The following TENM3 variants were observed in gnomAD, a reference collection of about 807,000 sequenced individuals.
The protein encoded by TENM3 is teneurin-3.
A neutral mutation model predicts 255.1 loss-of-function variants in TENM3; 63 were observed. The observed-to-expected ratio is 0.25, with a 90% confidence interval of 0.20 to 0.30. TENM3 has a LOEUF of 0.30. Among genes scored for constraint, TENM3 ranks in the 10% least tolerant of loss-of-function variants. The pLI, the probability that TENM3 is intolerant of heterozygous loss-of-function variation, is 1.00. For missense variants in TENM3, 2,929 were observed against 3,461.1 expected (o/e 0.85, Z 3.86); for synonymous variants, 1,306 against 1,322.3 (o/e 0.99, Z 0.27).
At chr4:182,564,302 C>T (rs1263818906) in intron 3 of TENM3, among the ~76,000 whole-genome samples, 1 of 129,392 alleles carries the variant, frequency 7.7e-6, no homozygotes, top group Non-Finnish European at 1.8e-5. Context: ...GAAAACCTTT[C>T]TTTAAAAAAA....
At chr4:182,537,807 A>T (rs954379416) in intron 3 of TENM3, among the ~76,000 whole-genome samples, 1 of 152,148 alleles carries the variant, frequency 6.6e-6, no homozygotes, top group South Asian at 2.1e-4. Flanking sequence ...TTCATGCTGC[A>T]GCGTGTTAAG....
chr4:181,891,251 C>T, the TENM3 span, among the ~76,000 whole-genome samples: 1 of 152,174 alleles, frequency 6.6e-6, no homozygotes, highest in African/African-American at 2.4e-5. Context: ...GAGTTGGCTA[C>T]TTGTTCCCTA....
the TENM3 span, among the ~76,000 whole-genome samples, chr4:182,030,308 T>C: frequency 0.77 from 116,277 of 151,718 alleles, 45,634 homozygotes; most frequent in East Asian, 0.9. Flanking sequence ...TGTTCAGCTC[T>C]CACTTATAAG....
intron 1 of TENM3, among the ~76,000 whole-genome samples, chr4:182,310,292 C>T (rs1762368342): frequency 6.6e-6 from 1 of 152,046 alleles, no homozygotes; most frequent in Admixed American, 6.5e-5. Context: ...AACTCCTGGG[C>T]TCAAGTGATC....
the TENM3 span, among the ~76,000 whole-genome samples, chr4:181,631,294 T>A: frequency 2.0e-5 from 3 of 149,944 alleles, no homozygotes; most frequent in African/African-American, 7.4e-5. Context: ...CAGTTCTTTT[T>A]TGTTTTTTTT....
At chr4:182,036,689 C>T in the TENM3 span, among the ~76,000 whole-genome samples, 1 of 152,320 alleles carries the variant, frequency 6.6e-6, no homozygotes, top group East Asian at 1.9e-4. Context: ...ACCACTCGCA[C>T]ACATTTTGGA....
rs186799422 is a variant in TENM3 at position 182,204,085 on chromosome 4, G to A, written c.-76+59331G>A. 2.2e-4 allele frequency among the ~76,000 whole-genome samples: 33 copies of A among 152,288 alleles called. No homozygotes were observed. In the East Asian group the frequency reaches 6.4e-3, roughly 29 times the overall value. On this transcript the variant is annotated intron_variant, in intron 1 of 2. Transcript: ENST00000512480. ...GGATAATGAAGGGGGAAATCAACAG[G>A]GCTCAGTAATGAGTTGGCTGCGGGG...
chr4:182,038,827 G>A, the TENM3 span, among the ~76,000 whole-genome samples: 15 of 152,116 alleles, frequency 9.9e-5, no homozygotes, highest in South Asian at 1.5e-3. Flanking sequence ...TCTGCCTCTC[G>A]GGTTCAAGTG....
intron 3 of TENM3, among the ~76,000 whole-genome samples, chr4:182,519,985 T>C (rs1163642315): frequency 1.3e-5 from 2 of 152,160 alleles, no homozygotes; most frequent in Non-Finnish European, 2.9e-5. Context: ...CTAAAATTTA[T>C]TGAAGAGGTA....
chr4:182,155,334 CT>C (rs564210230), intron 1 of TENM3, among the ~76,000 whole-genome samples: 4 of 152,072 alleles, frequency 2.6e-5, no homozygotes, highest in Non-Finnish European at 5.9e-5. Context: ...ATAAGTAATT[CT>C]GGTGTCTGTG....
the TENM3 span, among the ~76,000 whole-genome samples, chr4:181,973,334 C>G: frequency 2.0e-5 from 3 of 151,990 alleles, no homozygotes; most frequent in Admixed American, 6.6e-5. Flanking sequence ...AGAAAACAAA[C>G]AGTAAGCATG....
At chr4:182,230,015 G>A (rs1485402194) in intron 1 of TENM3, among the ~76,000 whole-genome samples, 2 of 151,732 alleles carry the variant, frequency 1.3e-5, no homozygotes, top group Non-Finnish European at 2.9e-5. Context: ...CTCAAAGCAT[G>A]TGTGAATAAA....
chr4:181,468,218 G>A, the TENM3 span, among the ~76,000 whole-genome samples: 1 of 152,058 alleles, frequency 6.6e-6, no homozygotes, highest in Non-Finnish European at 1.5e-5. Flanking sequence ...AGGTTGTAGT[G>A]AGGCATGATT....
chr4:181,888,770 G>T, the TENM3 span, among the ~76,000 whole-genome samples: 1 of 150,888 alleles, frequency 6.6e-6, no homozygotes, highest in African/African-American at 2.4e-5. Flanking sequence ...GGAGGAGGGG[G>T]GAACAGTGTA....
At chr4:182,097,314 A>G in the TENM3 span, among the ~76,000 whole-genome samples, 3 of 152,134 alleles carry the variant, frequency 2.0e-5, no homozygotes, top group African/African-American at 7.2e-5. Context: ...CTCCATGTCA[A>G]CAACACTAGC....
At chr4:182,763,554 CA>C (rs35831067) in intron 22 of TENM3, among the ~76,000 whole-genome samples, 27,515 of 143,636 alleles carry the variant, frequency 0.19, 3,228 homozygotes, top group East Asian at 0.57. Context: ...GACTCCGTCT[CA>C]AAAAAAAAAA....
At chr4:182,118,573 C>T in the TENM3 span, among the ~76,000 whole-genome samples, 2 of 148,274 alleles carry the variant, frequency 1.3e-5, no homozygotes, top group East Asian at 4.0e-4. Flanking sequence ...GAGCCTGTAA[C>T]TGTGCCAGCT....
At chr4:182,017,883 T>A in the TENM3 span, among the ~76,000 whole-genome samples, 7 of 152,204 alleles carry the variant, frequency 4.6e-5, no homozygotes, top group African/African-American at 1.7e-4. Context: ...CACTTTATAA[T>A]TTATTGGCAA....
chr4:181,652,142 TAAAA>T, the TENM3 span, among the ~76,000 whole-genome samples: 209 of 114,636 alleles, frequency 1.8e-3, 5 homozygotes, highest in South Asian at 0.031. Context: ...CACTTTGGGG[TAAAA>T]AAAAAAAAAA....
Sources: allele counts gnomAD v4.1 joint callset (sites outside exome capture counted in the v4.1 genomes callset), GRCh38; gene constraint gnomAD v4.1.1; transcripts MANE v1.5; gene names NCBI Gene and HGNC (gene_info 2026-07-23, HGNC 2026-07-21).